Variants in LRP1B observed in about 807,000 individuals in gnomAD.
The protein encoded by LRP1B is low-density lipoprotein receptor-related protein 1B.
LRP1B carries 217 observed loss-of-function variants against 556.6 expected under a neutral mutation model. The ratio of observed to expected loss-of-function variants is 0.39; its 90% confidence interval spans 0.35 to 0.44. The LOEUF (loss-of-function observed/expected upper bound fraction) is 0.44. Among genes scored for constraint, LRP1B ranks in the 20% least tolerant of loss-of-function variants. LRP1B has a pLI of 1.00. For missense variants in LRP1B, 5,053 were observed against 5,620.8 expected, an observed-to-expected ratio of 0.90 and a Z score of 3.23; for synonymous variants, 2,047 against 1,865.8, an observed-to-expected ratio of 1.10 and a Z score of -2.50.
intron 11 of LRP1B, among the ~76,000 whole-genome samples, chr2:141,034,992 T>C (rs1306353456): frequency 1.3e-4 from 19 of 151,644 alleles, no homozygotes; most frequent in Admixed American, 9.2e-4. Flanking sequence ...ATTAAGAAAA[T>C]GTGGCACATA....
rs2105036917 is a variant in LRP1B, at chr2:140,813,792, A to G, written c.5224T>C (p.Tyr1742His). 3 of 1,607,842 alleles carry G rather than the reference A, an allele frequency of 1.9e-6. No homozygotes were observed. Among genetic ancestry groups the G allele is most frequent in the Non-Finnish European group, 2.6e-6 (3 of 1,174,880 alleles). Reference protein sequence around the residue: ...QKEPVGLSIDYVENKLYWISS... With the variant: ...QKEPVGLSIDHVENKLYWISS... ...ATCCAATAAAGCTTGTTTTCCACAT[A>G]GTCTATCGATAGACCTGTAATTAAA... The change falls in exon 32 of 91, where the codon TAT (tyrosine) becomes CAT (histidine). Residue 1742 changes from tyrosine (Y) to histidine (H), a missense_variant. Around this residue, in one of 5 missense-constraint regions of LRP1B, gnomAD observed 3,619 missense variants for 3,931.9 expected, o/e 0.92. Transcript: ENST00000389484.
chr2:141,211,550 G>C lies in LRP1B; in HGVS notation c.850+17633C>G, dbSNP rs377381067. 2.0e-4 allele frequency among the ~76,000 whole-genome samples: 30 copies of C among 152,192 alleles called. No homozygotes were observed. In the South Asian group the frequency reaches 6.2e-3, roughly 32 times the overall value. On this transcript the variant is annotated intron_variant, in intron 6 of 90. Transcript: ENST00000389484. The stretch of plus-strand genomic sequence containing the variant: ...CAGAATTGCTTGAACCCGGGAGGCA[G>C]AGGTTGCAGTGAGCCGAGATCCGGC...
intron 2 of LRP1B, among the ~76,000 whole-genome samples, chr2:141,766,968 CT>C (rs1694752617): frequency 6.6e-6 from 1 of 152,066 alleles, no homozygotes; most frequent in Admixed American, 6.6e-5. Flanking sequence ...AATAATTTAC[CT>C]CTTTGCACAA....
At chr2:141,678,075 AT>A (rs1382236833) in intron 2 of LRP1B, among the ~76,000 whole-genome samples, 1 of 152,194 alleles carries the variant, frequency 6.6e-6, no homozygotes, top group African/African-American at 2.4e-5. Flanking sequence ...GATATTCAAA[AT>A]TTCAGACTTA....
intron 35 of LRP1B, among the ~76,000 whole-genome samples, chr2:140,730,270 C>A (rs1377297974): frequency 6.6e-6 from 1 of 152,074 alleles, no homozygotes; most frequent in Non-Finnish European, 1.5e-5. Context: ...CTGTAAGATG[C>A]AAATCAGATC....
At chr2:141,294,225 A>G (rs1686091738) in intron 3 of LRP1B, among the ~76,000 whole-genome samples, 1 of 152,158 alleles carries the variant, frequency 6.6e-6, no homozygotes. Flanking sequence ...TCAAGTTCTT[A>G]AAGTGCAGAG....
rs754651770 is a variant in LRP1B at position 140,350,810 on chromosome 2, T to A, written c.11879A>T (p.Asn3960Ile). 6.2e-7 allele frequency: 1 copy of A among 1,610,378 alleles called. No homozygotes were observed. The highest frequency in any genetic ancestry group is 1.1e-5 in the South Asian group (1 of 90,638). The change falls in exon 77 of 91, where the codon AAC becomes ATC. Residue 3960 changes from asparagine (N) to isoleucine (I), a missense_variant. Asn to Ile is a moderately radical substitution (Grantham distance 149). Coordinates refer to ENST00000389484, the MANE Select transcript of LRP1B (RefSeq NM_018557.3). ...RIHGREKRQA[N>I]SGLICPEFKR... ...GTATTTACTTACAATCAAGCCACTG[T>A]TTGCTTGCCTTTTTTCTCTGCCATG...
At chr2:141,137,685 T>C (rs1442931715) in intron 7 of LRP1B, among the ~76,000 whole-genome samples, 1 of 151,940 alleles carries the variant, frequency 6.6e-6, no homozygotes, top group African/African-American at 2.4e-5. Flanking sequence ...TTTAAAAATA[T>C]ATGTCACACA....
At chr2:141,578,224 C>T (rs1574099089) in intron 2 of LRP1B, among the ~76,000 whole-genome samples, 1 of 151,456 alleles carries the variant, frequency 6.6e-6, no homozygotes, top group South Asian at 2.1e-4. Flanking sequence ...TGAAATCCTG[C>T]CTCTACTAAA....
chr2:141,132,820 A>T (rs181418199), intron 7 of LRP1B, among the ~76,000 whole-genome samples: 476 of 152,194 alleles, frequency 3.1e-3, no homozygotes, highest in Non-Finnish European at 5.8e-3. Flanking sequence ...AATATAAAAA[A>T]GTATAGCTTT....
intron 7 of LRP1B, among the ~76,000 whole-genome samples, chr2:141,137,024 C>T (rs1255218030): frequency 3.8e-5 from 5 of 131,272 alleles, no homozygotes; most frequent in Non-Finnish European, 7.8e-5. Flanking sequence ...AATGTGCAGT[C>T]TTTCATTATT....
chr2:141,473,780 G>A (rs1682569377), intron 3 of LRP1B, among the ~76,000 whole-genome samples: 1 of 152,094 alleles, frequency 6.6e-6, no homozygotes, highest in Non-Finnish European at 1.5e-5. Flanking sequence ...CAGTGTTGAT[G>A]ACAGATACAC....
At chr2:141,285,098 ATT>A (rs543994866) in intron 3 of LRP1B, among the ~76,000 whole-genome samples, 10 of 135,642 alleles carry the variant, frequency 7.4e-5, no homozygotes, top group African/African-American at 1.6e-4. Context: ...CCCATATTTC[ATT>A]TTTTTTTTTT....
intron 10 of LRP1B, among the ~76,000 whole-genome samples, chr2:141,053,674 T>C (rs1020472387): frequency 6.6e-6 from 1 of 152,018 alleles, no homozygotes; most frequent in African/African-American, 2.4e-5. Flanking sequence ...ATTAAATCTC[T>C]TGTTGCTTCA....
intron 35 of LRP1B, among the ~76,000 whole-genome samples, chr2:140,717,284 A>C (rs1420223721): frequency 2.6e-5 from 4 of 152,070 alleles, no homozygotes; most frequent in Non-Finnish European, 2.9e-5. Context: ...AAAGAAACAT[A>C]AGAGCATTTC....
chr2:142,048,240 C>G (rs1188568772), intron 1 of LRP1B, among the ~76,000 whole-genome samples: 3 of 151,976 alleles, frequency 2.0e-5, no homozygotes, highest in Non-Finnish European at 4.4e-5. Flanking sequence ...TTATAAATGT[C>G]CATTTATTTC....
At chr2:140,905,249 A>G (rs1350932346) in intron 22 of LRP1B, among the ~76,000 whole-genome samples, 4 of 151,816 alleles carry the variant, frequency 2.6e-5, no homozygotes, top group Non-Finnish European at 5.9e-5. Context: ...CCTGGGCCAC[A>G]AATACATACT....
At chr2:141,531,212 A>C (rs1344161869) in intron 2 of LRP1B, among the ~76,000 whole-genome samples, 1 of 152,056 alleles carries the variant, frequency 6.6e-6, no homozygotes, top group African/African-American at 2.4e-5. Flanking sequence ...GATGGTAGCA[A>C]ACCTACTTCT....
At chr2:140,552,192 G>A (rs1680569550) in intron 43 of LRP1B, among the ~76,000 whole-genome samples, 1 of 152,058 alleles carries the variant, frequency 6.6e-6, no homozygotes, top group Non-Finnish European at 1.5e-5. Context: ...TCATTTCTTT[G>A]ATTTCCCTAG....
Sources: allele counts gnomAD v4.1 joint callset (sites outside exome capture counted in the v4.1 genomes callset), GRCh38; gene constraint gnomAD v4.1.1; regional missense constraint gnomAD v4.1.1; transcripts MANE v1.5; gene names NCBI Gene and HGNC (gene_info 2026-07-23, HGNC 2026-07-21).